U2AF2: variants seen among roughly 807,000 people sequenced by gnomAD.
U2AF2 encodes the protein U2 small nuclear RNA auxiliary factor 2.
U2AF2 carries 6 observed loss-of-function variants against 52.6 expected under a neutral mutation model. The ratio of observed to expected loss-of-function variants is 0.11; its 90% CI spans 0.06 to 0.23. The LOEUF is 0.23. Among genes scored for constraint, U2AF2 ranks in the 10% least tolerant of loss-of-function variants. The pLI, the probability that U2AF2 is intolerant of heterozygous loss-of-function variation, is 1.00. For synonymous variants in U2AF2, 284 were observed against 258.2 expected, an observed-to-expected ratio of 1.10 and a Z score of -0.96; for missense variants, 222 against 677.1, an observed-to-expected ratio of 0.33 and a Z score of 7.46.
In U2AF2 at chr19:55,668,820, G is replaced by T; in HGVS notation, c.945+28G>T. 1.3e-6 allele frequency: 2 copies of T among 1,599,406 alleles called. No individual in the cohort carries two copies. The highest frequency in any genetic ancestry group is 1.7e-6 in the Non-Finnish European group (2 of 1,170,394). ...GAGTCCCCGGTCGCTGGCCGCTGCC[G>T]CGTCTGTCCTTCCCTGCCCTGCGCT... On this transcript the variant is annotated intron_variant, in intron 9 of 11. Transcript: ENST00000308924. The surrounding 1 kb of genome is among the most constrained non-coding windows in gnomAD (Gnocchi z 5.5).
chr19:55,657,917 T>C (rs73615076), intron 1 of U2AF2, among the ~76,000 whole-genome samples: 5,526 of 152,284 alleles, frequency 0.036, 324 homozygotes, highest in African/African-American at 0.13. Flanking sequence ...GAAGCAGTAG[T>C]GAGGATTAAG....
chr19:55,659,372 C>T, intron 2 of U2AF2, 27 bp downstream of exon 2: 1 of 1,462,430 alleles, frequency 6.8e-7, no homozygotes, highest in South Asian at 1.3e-5. Context: ...ATCCCCTGGG[C>T]CAGCCTGGGA....
At chr19:55,659,897 A>C (rs1984055475) in intron 2 of U2AF2, among the ~76,000 whole-genome samples, 1 of 152,088 alleles carries the variant, frequency 6.6e-6, no homozygotes, top group South Asian at 2.1e-4. Context: ...GAGGAAGGGC[A>C]GGATAGGCGG....
At chr19:55,662,741 A>G in intron 6 of U2AF2, 123 bp downstream of exon 6, 2 of 800,366 alleles carry the variant, frequency 2.5e-6, no homozygotes, top group Non-Finnish European at 4.1e-6. Flanking sequence ...CCTCTTCTCC[A>G]CCCGGTCGCT....
Position 55,660,573 on chromosome 19 carries a change from C to G in U2AF2, c.288C>G (p.Pro96=), listed in dbSNP as rs781729538. 6.2e-7 allele frequency: 1 copy of G among 1,613,738 alleles called. No individual in the cohort carries two copies. Among genetic ancestry groups the G allele is most frequent in the South Asian group, 1.1e-5 (1 of 91,052 alleles). ...KKVRKYWDVP[P]PGFEHITPMQ... ...TCCGTAAATACTGGGACGTGCCACC[C>G]CCAGGCTTTGAGCACATCACCCCAA... Residue 96 remains proline (P), a synonymous_variant, in exon 4 of 12, where the codon CCC becomes CCG. Transcript: ENST00000308924.
At chr19:55,665,100 A>G (rs56289005) in intron 7 of U2AF2, among the ~76,000 whole-genome samples, 1,730 of 152,324 alleles carry the variant, frequency 0.011, 21 homozygotes, top group African/African-American at 0.034. Flanking sequence ...CCCAATCGAC[A>G]TGGACTTTTT....
chr19:55,663,345 C>G (rs931594944), intron 6 of U2AF2, among the ~76,000 whole-genome samples: 2 of 152,144 alleles, frequency 1.3e-5, no homozygotes, highest in African/African-American at 4.8e-5. Context: ...GCACTTTGTC[C>G]CTCTTCCGTG....
At chr19:55,670,939 C>G (rs1047690399) in intron 11 of U2AF2, among the ~76,000 whole-genome samples, 8 of 152,306 alleles carry the variant, frequency 5.3e-5, no homozygotes, top group African/African-American at 1.7e-4. Flanking sequence ...GACAGGAGGG[C>G]TTGCCGGGAG....
At chr19:55,670,719 T>G (rs1203878278) in intron 11 of U2AF2, 1 of 205,352 alleles carries the variant, frequency 4.9e-6, no homozygotes, top group Non-Finnish European at 1.0e-5. Flanking sequence ...TGCCTGGGTC[T>G]TGGAACGACC....
At position 55,659,213 on chromosome 19, in the gene U2AF2, G is replaced by A; in HGVS notation, c.53G>A (p.Arg18Gln). Reference protein sequence around the residue: ...ERQLNENKQERDKENRHRKRS... With the variant: ...ERQLNENKQEQDKENRHRKRS... The stretch of plus-strand genomic sequence containing the variant: ...CCCTCCTCTCACCCTTGCCCAGAGC[G>A]GGACAAGGAGAACCGGCATCGGAAG... Residue 18 changes from arginine (R) to glutamine (Q), a missense_variant, in exon 2 of 12, where the codon CGG (arginine) becomes CAG (glutamine). Coordinates refer to ENST00000308924, the MANE Select transcript of U2AF2 (RefSeq NM_007279.3). 2 of 1,582,756 alleles carry A rather than the reference G, an allele frequency of 1.3e-6. No individual in the cohort carries two copies. The highest frequency in any genetic ancestry group is 2.3e-5 in the East Asian group (1 of 43,102).
chr19:55,660,149 C>T (rs1212885211), intron 2 of U2AF2, 28 bp from the exon 3 acceptor site: 4 of 1,560,334 alleles, frequency 2.6e-6, no homozygotes, highest in East Asian at 2.3e-5. Context: ...AGTCACCCCT[C>T]CCCATACCTT....
chr19:55,669,888 G>A (rs1213617347), intron 11 of U2AF2, among the ~76,000 whole-genome samples, 196 bp downstream of exon 11: 1 of 152,204 alleles, frequency 6.6e-6, no homozygotes, highest in East Asian at 1.9e-4. Context: ...CCGGGCCATG[G>A]GAGATGTTGG....
rs568002860 is a variant in U2AF2 at position 55,662,739 on chromosome 19, C to G, written c.603+121C>G. 6.1e-6 allele frequency: 5 copies of G among 818,778 alleles called. No individual in the cohort carries two copies. In the South Asian group the frequency reaches 8.1e-5, roughly 13 times the overall value. 50.7% of individuals were successfully genotyped at this position (818,778 alleles called of 1,614,324 possible). ...CACCAGGCCCTCTGCAGCCTCTTCT[C>G]CACCCGGTCGCTGAAGTGAGCCCTG... On this transcript the variant is annotated intron_variant, in intron 6 of 11. Transcript: ENST00000308924.
chr19:55,658,785 A>T (rs1375220534), intron 1 of U2AF2: 2 of 159,734 alleles, frequency 1.3e-5, no homozygotes, highest in African/African-American at 4.8e-5. Flanking sequence ...TGTGGGTGCC[A>T]GCTAGTTGCA....
At chr19:55,656,918 G>T (rs192195516) in intron 1 of U2AF2, among the ~76,000 whole-genome samples, 2 of 152,350 alleles carry the variant, frequency 1.3e-5, no homozygotes, top group African/African-American at 2.4e-5. Flanking sequence ...GCAGGAAAAG[G>T]TGCTTTCCAA....
chr19:55,655,290 C>T (rs1983706396), intron 1 of U2AF2, 137 bp downstream of exon 1: 5 of 970,272 alleles, frequency 5.2e-6, no homozygotes, highest in Non-Finnish European at 1.5e-6. Flanking sequence ...GTGGCGCGCG[C>T]CTCGTTCACG....
intron 7 of U2AF2, among the ~76,000 whole-genome samples, chr19:55,665,271 G>T (rs956004871): frequency 6.6e-6 from 1 of 151,978 alleles, no homozygotes; most frequent in Non-Finnish European, 1.5e-5. Flanking sequence ...CTCCATGCAC[G>T]GCAGTTCTAC....
At chr19:55,663,176 CTCCCTCTCACTCTG>C (rs1364244168) in intron 6 of U2AF2, among the ~76,000 whole-genome samples, 3 of 151,142 alleles carry the variant, frequency 2.0e-5, no homozygotes, top group Non-Finnish European at 4.5e-5. Context: ...TGTCTGAGCA[CTCCCTCTCACTCTG>C]TCCCTCTCAC....
intron 2 of U2AF2, among the ~76,000 whole-genome samples, chr19:55,659,674 C>G (rs1178079340): frequency 6.6e-6 from 1 of 151,664 alleles, no homozygotes; most frequent in Admixed American, 6.6e-5. Context: ...AGGGCCTGTT[C>G]CTTCTTTTCG....
Sources: gnomAD v4.1 joint callset for allele counts (sites outside exome capture counted in the v4.1 genomes callset) on GRCh38, gnomAD v4.1.1 for gene constraint, Gnocchi (gnomAD v3.1) non-coding constraint, MANE v1.5 for transcripts, NCBI Gene and HGNC (gene_info 2026-07-23, HGNC 2026-07-21) for gene names.